The following TSNAX variants were observed in gnomAD, a reference collection of about 807,000 sequenced individuals.
TSNAX encodes translin-associated protein X.
In TSNAX, 12 loss-of-function variants were observed where a neutral mutation model predicts 33.0. That is an observed-to-expected ratio of 0.36 (90% confidence interval 0.23 to 0.59). TSNAX has a LOEUF of 0.59. TSNAX is among the 20% of genes least tolerant of loss of function. The pLI, the probability that TSNAX is intolerant of heterozygous loss-of-function variation, is 0.74. For missense variants in TSNAX, 267 were observed against 341.3 expected (o/e 0.78, Z 1.72); for synonymous variants, 110 against 117.2 (o/e 0.94, Z 0.40).
chr1:231,550,169 G>A lies in TSNAX; in HGVS notation c.367+7558G>A, dbSNP rs116002109. On this transcript the variant is annotated intron_variant, in intron 4 of 5. Transcript: ENST00000366639. ...GTCTGCAAATACACTCACATTCTCAGGTACTAGAGGTTAGGGCTTCAACAT... is the reference window on the plus strand; with the variant it reads ...GTCTGCAAATACACTCACATTCTCAAGTACTAGAGGTTAGGGCTTCAACAT... 2.2e-3 allele frequency among the ~76,000 whole-genome samples: 334 copies of A among 152,320 alleles called. 1 individual carries two copies. Among genetic ancestry groups the A allele is most frequent in the Non-Finnish European group, 3.0e-3 (205 of 68,032 alleles).
chr1:231,529,417 G>A (rs192484924), intron 2 of TSNAX, 58 bp downstream of exon 2: 193 of 1,547,690 alleles, frequency 1.2e-4, no homozygotes, highest in Admixed American at 7.6e-4. Context: ...TTTAGCCATG[G>A]TTATGCGCAA....
Position 231,529,372 on chromosome 1 carries a change from C to T in TSNAX, c.121+13C>T, listed in dbSNP as rs773477328. 3.7e-6 allele frequency: 6 copies of T among 1,611,920 alleles called. No homozygotes were observed. Among genetic ancestry groups the T allele is most frequent in the South Asian group, 1.1e-5 (1 of 90,962 alleles). On this transcript the variant is annotated intron_variant, in intron 2 of 5. Coordinates refer to ENST00000366639, the MANE Select transcript of TSNAX (RefSeq NM_005999.3). Reference sequence around the variant, plus strand: ...TTGGCCTTTAAATGTAAGTTCTCTGCAATGTAAGTTGAAGAAGGGGAGAGA... The same window carrying T: ...TTGGCCTTTAAATGTAAGTTCTCTGTAATGTAAGTTGAAGAAGGGGAGAGA...
At chr1:231,557,926 T>A (rs1660793521) in intron 4 of TSNAX, among the ~76,000 whole-genome samples, 1 of 152,088 alleles carries the variant, frequency 6.6e-6, no homozygotes, top group African/African-American at 2.4e-5. Flanking sequence ...CATACAGACT[T>A]ATTAACCATA....
rs532877515 is a variant in TSNAX at position 231,560,949 on chromosome 1, C to A, written c.368-179C>A. ...TGCTGGGATTACAGGCGTGAGCCAC[C>A]GCGCCTGGTCCCCAGGCCATTCTTT... On this transcript the variant is annotated intron_variant, in intron 4 of 5. Coordinates refer to ENST00000366639, the MANE Select transcript of TSNAX (RefSeq NM_005999.3). 2.9e-4 allele frequency among the ~76,000 whole-genome samples: 44 copies of A among 152,308 alleles called. No homozygotes were observed. The South Asian group carries it at 8.7e-3, about 30-fold the overall frequency.
chr1:231,553,847 C>T (rs556624905), intron 4 of TSNAX, among the ~76,000 whole-genome samples: 175 of 152,086 alleles, frequency 1.2e-3, no homozygotes, highest in Admixed American at 2.5e-3. Flanking sequence ...CCACCACACC[C>T]GGCTAATTTT....
At chr1:231,561,311 G>T (rs1035956022) in intron 5 of TSNAX, 56 bp downstream of exon 5, 4 of 1,296,128 alleles carry the variant, frequency 3.1e-6, no homozygotes, top group Middle Eastern at 2.7e-4. Flanking sequence ...ACAGTATGAC[G>T]ATTCTAGTAG....
intron 4 of TSNAX, among the ~76,000 whole-genome samples, chr1:231,550,083 T>C (rs1660200229): frequency 6.6e-6 from 1 of 152,214 alleles, no homozygotes; most frequent in South Asian, 2.1e-4. Context: ...TCACCAGTCA[T>C]ATTCGATAAA....
Position 231,565,458 on chromosome 1 carries a change from G to C in TSNAX, c.*553G>C, listed in dbSNP as rs1346652533. The C allele has an allele frequency of 6.6e-6, 1 of 152,638 alleles. No individual in the cohort carries two copies. The highest frequency in any genetic ancestry group is 1.5e-5 in the Non-Finnish European group (1 of 68,390). The allele number at this position is 152,638 out of a possible 1,614,324, so 9.5% of individuals were successfully genotyped here. On this transcript the variant is annotated 3_prime_UTR_variant, in exon 6 of 6. Transcript: ENST00000366639. ...GTACAAGTTTAGGCTGGGCGTGGTG[G>C]CTCACGCCTGTAATCCCAGCACTTT... is the stretch of plus-strand genomic sequence containing the variant.
chr1:231,560,161 A>G (rs1228969727), intron 4 of TSNAX, among the ~76,000 whole-genome samples: 4 of 150,350 alleles, frequency 2.7e-5, no homozygotes, highest in African/African-American at 9.8e-5. Flanking sequence ...TTTTATTTTT[A>G]GTAGAAATGT....
At chr1:231,533,150 TCCGC>T (rs1415585498) in intron 2 of TSNAX, among the ~76,000 whole-genome samples, 4 of 143,302 alleles carry the variant, frequency 2.8e-5, no homozygotes, top group African/African-American at 8.7e-5. Context: ...CACTGCAACC[TCCGC>T]CTCCCAGGTT....
intron 4 of TSNAX, among the ~76,000 whole-genome samples, chr1:231,560,599 G>A (rs1344747572): frequency 1.3e-5 from 2 of 151,320 alleles, no homozygotes; most frequent in Non-Finnish European, 1.5e-5. Flanking sequence ...TGTATTTTTA[G>A]TAGAGATGGG....
At chr1:231,531,758 C>T (rs374881110) in intron 2 of TSNAX, among the ~76,000 whole-genome samples, 1 of 151,990 alleles carries the variant, frequency 6.6e-6, no homozygotes, top group East Asian at 1.9e-4. Context: ...AGGCAGCTTG[C>T]GGGGCTGTGG....
rs1458192472 is a variant in TSNAX at position 231,537,142 on chromosome 1, CA to C, written c.122-70del. The C allele has an allele frequency of 6.6e-5, 80 of 1,221,128 alleles. 1 individual carries two copies. In the African/African-American group the frequency reaches 1.1e-3, roughly 17 times the overall value. 75.6% of individuals were successfully genotyped at this position (1,221,128 alleles called of 1,614,324 possible). A position where few individuals can be genotyped will look rare whatever the true frequency, so the allele number is the denominator to read the frequency against. ...CACCGCACCCAGCATATGTGACGTA[CA>C]TCTTAAAAATATTGTTTGGTAGGCT... On this transcript the variant is annotated intron_variant, in intron 2 of 5. Coordinates refer to ENST00000366639, the MANE Select transcript of TSNAX (RefSeq NM_005999.3).
At chr1:231,548,009 T>C (rs1660056212) in intron 4 of TSNAX, among the ~76,000 whole-genome samples, 4 of 151,820 alleles carry the variant, frequency 2.6e-5, no homozygotes, top group Non-Finnish European at 4.4e-5. Flanking sequence ...CCCGGCTAAT[T>C]TTTTGTATTT....
intron 4 of TSNAX, among the ~76,000 whole-genome samples, chr1:231,560,412 C>CCT (rs1416598527): frequency 2.1e-5 from 2 of 97,224 alleles, no homozygotes; most frequent in African/African-American, 7.8e-5. Context: ...TTTCTCCCCC[C>CCT]CCCCCCTTTT....
At chr1:231,561,951 A>G (rs553798819) in intron 5 of TSNAX, among the ~76,000 whole-genome samples, 22 of 152,272 alleles carry the variant, frequency 1.4e-4, no homozygotes, top group African/African-American at 4.1e-4. Context: ...CATTTACTCA[A>G]TTCATAATGC....
chr1:231,546,282 A>G (rs955946021), intron 4 of TSNAX, among the ~76,000 whole-genome samples: 1 of 152,228 alleles, frequency 6.6e-6, no homozygotes, highest in Non-Finnish European at 1.5e-5. Context: ...GTTGTTGTTC[A>G]GCCATATGCT....
At chr1:231,564,496 TGTGTTTTTG>T (rs2124953084) in intron 5 of TSNAX, 23 bp from the exon 6 acceptor site, 1 of 1,590,404 alleles carries the variant, frequency 6.3e-7, no homozygotes, top group South Asian at 1.1e-5. Context: ...TGTGTGTGTG[TGTGTTTTTG>T]TTTTGTTTTG....
rs112561727 is a variant in TSNAX at position 231,551,906 on chromosome 1, C to T, written c.368-9222C>T. 2.7e-3 allele frequency among the ~76,000 whole-genome samples: 407 copies of T among 152,106 alleles called. 1 individual carries two copies. Among genetic ancestry groups the T allele is most frequent in the African/African-American group, 9.3e-3 (386 of 41,494 alleles). On this transcript the variant is annotated intron_variant, in intron 4 of 5. Coordinates refer to ENST00000366639, the MANE Select transcript of TSNAX (RefSeq NM_005999.3). ...ACTGGGGAGGCTAAGGCATGAGGATCGCTTGAGCCAAGGAGTTTGAGGCTG... is the reference window on the plus strand; with the variant it reads ...ACTGGGGAGGCTAAGGCATGAGGATTGCTTGAGCCAAGGAGTTTGAGGCTG...
Sources: allele counts gnomAD v4.1 joint callset (sites outside exome capture counted in the v4.1 genomes callset), GRCh38; gene constraint gnomAD v4.1.1; transcripts MANE v1.5; gene names NCBI Gene and HGNC (gene_info 2026-07-23, HGNC 2026-07-21).